KCNH2: variants seen among roughly 807,000 people sequenced by gnomAD.
KCNH2 encodes voltage-gated inwardly rectifying potassium channel KCNH2.
Under a neutral mutation model 95.9 loss-of-function variants are expected in KCNH2, and 35 were observed. The observed-to-expected ratio is 0.37, with a 90% CI of 0.28 to 0.48. KCNH2 has a LOEUF of 0.48. Ranked by LOEUF, KCNH2 falls within the 20% of genes least tolerant of loss-of-function variation. The pLI, the probability that KCNH2 is intolerant of heterozygous loss-of-function variation, is 0.99. For missense variants in KCNH2, 1,274 were observed against 1,702.9 expected (o/e 0.75, Z 4.43); for synonymous variants, 786 against 754.7 (o/e 1.04, Z -0.68).
rs1352528322 is a variant in KCNH2 at position 150,965,078 on chromosome 7, G to T, written c.308-5342C>A. On this transcript the variant is annotated intron_variant, in intron 2 of 14. Transcript: ENST00000262186. ...AGTGTGTGTGTGCGCGCGTGTGTGTGTGTGTGCTGAATGAGAGAGAGACCA... is the reference window on the plus strand; with the variant it reads ...AGTGTGTGTGTGCGCGCGTGTGTGTTTGTGTGCTGAATGAGAGAGAGACCA... 3.3e-5 allele frequency among the ~76,000 whole-genome samples: 5 copies of T among 152,058 alleles called. No homozygotes were observed. The South Asian group carries it at 1.0e-3, about 32-fold the overall frequency.
chr7:150,958,792 G>A (rs1473548098), intron 3 of KCNH2, among the ~76,000 whole-genome samples: 3 of 152,228 alleles, frequency 2.0e-5, no homozygotes, highest in Non-Finnish European at 4.4e-5. Flanking sequence ...ACATGAGGAA[G>A]TGTGGACACA....
In KCNH2 at chr7:150,962,569, G is replaced by T. The variant is rs575531856; in HGVS notation, c.308-2833C>A. Among the ~76,000 whole-genome samples the T allele has an allele frequency of 6.6e-6, 1 of 150,742 alleles. No individual in the cohort carries two copies. The highest frequency in any genetic ancestry group is 1.9e-4 in the East Asian group (1 of 5,144). ...CCTGCCAGGGTCGCAGAAACTCTAG[G>T]TATACGCCACCTCACAGCACAAGCC... On this transcript the variant is annotated intron_variant, in intron 2 of 14. Coordinates refer to ENST00000262186, the MANE Select transcript of KCNH2 (RefSeq NM_000238.4). The surrounding 1 kb of genome is among the most constrained non-coding windows in gnomAD (Gnocchi z 5.7).
chr7:150,969,312 G>C (rs565486697), intron 2 of KCNH2, among the ~76,000 whole-genome samples: 1 of 152,164 alleles, frequency 6.6e-6, no homozygotes, highest in African/African-American at 2.4e-5. Flanking sequence ...GTAAAGCATG[G>C]TTCCCCAGTT....
intron 13 of KCNH2, 113 bp downstream of exon 13, chr7:150,947,215 G>A (rs1009804773): frequency 4.1e-5 from 47 of 1,152,544 alleles, no homozygotes; most frequent in Non-Finnish European, 5.6e-5. Flanking sequence ...AATGGAAGAA[G>A]GGGATCCAGC....
At chr7:150,959,157 A>G (rs1028467482) in intron 3 of KCNH2, among the ~76,000 whole-genome samples, 1 of 152,200 alleles carries the variant, frequency 6.6e-6, no homozygotes, top group Non-Finnish European at 1.5e-5. Context: ...GGAGCAGATG[A>G]AAGAAACTAC....
chr7:150,958,384 G>A lies in KCNH2; in HGVS notation c.591C>T (p.Asp197=). The change falls in exon 4 of 15, where the codon GAC becomes GAT. Residue 197 remains aspartate, a synonymous_variant. Coordinates refer to ENST00000262186, the MANE Select transcript of KCNH2 (RefSeq NM_000238.4). The part of the protein sequence containing the change: ...GAGAPGAVVV[D]VDLTPAAPSS... ...TGGGTGCCGCGGGCGTCAGGTCCAC[G>A]TCCACCACCACGGCCCCCGGGGCGC... The A allele has an allele frequency of 6.8e-7, 1 of 1,471,198 alleles. No individual in the cohort carries two copies. Among genetic ancestry groups the A allele is most frequent in the Non-Finnish European group, 8.9e-7 (1 of 1,117,632 alleles). The allele number at this position is 1,471,198 out of a possible 1,614,324, so 91.1% of individuals were successfully genotyped here.
Position 150,946,757 on chromosome 7 carries a change from G to A in KCNH2, c.3330+120C>T. 1 of 941,860 alleles carries A rather than the reference G, an allele frequency of 1.1e-6. No homozygotes were observed. The highest frequency in any genetic ancestry group is 1.6e-6 in the Non-Finnish European group (1 of 624,944). The allele number at this position is 941,860 out of a possible 1,614,324, so 58.3% of individuals were successfully genotyped here. ...GGAGGACAGGGGTGGGAGGAGGGCA[G>A]GAACAAGGTTCAGGGAGGCTGGGCC... On this transcript the variant is annotated intron_variant, in intron 14 of 14. Coordinates refer to ENST00000262186, the MANE Select transcript of KCNH2 (RefSeq NM_000238.4). The surrounding 1 kb of genome is among the most constrained non-coding windows in gnomAD (Gnocchi z 6.5).
At chr7:150,953,312 C>T (rs756135734) in intron 5 of KCNH2, among the ~76,000 whole-genome samples, 8 of 152,206 alleles carry the variant, frequency 5.3e-5, no homozygotes, top group Non-Finnish European at 1.0e-4. Flanking sequence ...GTAGTCACTG[C>T]AGTTCTTACC....
At chr7:150,968,227 G>A (rs1254895320) in intron 2 of KCNH2, among the ~76,000 whole-genome samples, 6 of 152,292 alleles carry the variant, frequency 3.9e-5, no homozygotes, top group South Asian at 2.1e-4. Flanking sequence ...CACATGTCCC[G>A]CGATCCAGCA....
intron 2 of KCNH2, among the ~76,000 whole-genome samples, chr7:150,966,058 AC>A: frequency 1.3e-5 from 2 of 152,326 alleles, no homozygotes; most frequent in East Asian, 3.9e-4. Flanking sequence ...GCACCCAGGA[AC>A]CCAAGGGAAG....
In KCNH2 at chr7:150,947,761, C is replaced by A; in HGVS notation, c.2810G>T (p.Ser937Ile). ...WGESPSSGPS[S>I]PESSEDEGPG... ...GCCCTCATCCTCACTGCTCTCAGGG[C>A]TGGAGGGGCCACTGGACGGGCTCTC... Residue 937 changes from serine (S) to isoleucine (I), a missense_variant, in exon 12 of 15, where the codon AGC (serine) becomes ATC (isoleucine). By Grantham distance (142) the Ser-to-Ile change is moderately radical. Around this residue, in one of 7 missense-constraint regions of KCNH2, gnomAD observed 457 missense variants for 416.1 expected, o/e 1.10. Transcript: ENST00000262186. 1 of 1,542,308 alleles carries A rather than the reference C, an allele frequency of 6.5e-7. No homozygotes were observed. The highest frequency in any genetic ancestry group is 1.4e-5 in the African/African-American group (1 of 73,238).
chr7:150,971,586 G>T (rs549894183), intron 2 of KCNH2, among the ~76,000 whole-genome samples: 1 of 152,090 alleles, frequency 6.6e-6, no homozygotes, highest in Non-Finnish European at 1.5e-5. Flanking sequence ...GGCTCCGAGG[G>T]GTGGGGGACA....
At chr7:150,971,759 G>A (rs952849722) in intron 2 of KCNH2, among the ~76,000 whole-genome samples, 1 of 151,926 alleles carries the variant, frequency 6.6e-6, no homozygotes, top group Non-Finnish European at 1.5e-5. Flanking sequence ...GAGAGGAGCC[G>A]AGAAGGTGGG....
rs762615574 is a variant in KCNH2, at chr7:150,958,049, G to A, written c.916+10C>T. ...GGGCTGGGGCGGAACGGGTCCCGCG[G>A]CGCCCTCACCGGTGCTGGCGTGGCG... On this transcript the variant is annotated intron_variant, in intron 4 of 14. Coordinates refer to ENST00000262186, the MANE Select transcript of KCNH2 (RefSeq NM_000238.4). The A allele has an allele frequency of 7.9e-7, 1 of 1,262,874 alleles. No individual in the cohort carries two copies. The highest frequency in any genetic ancestry group is 9.9e-7 in the Non-Finnish European group (1 of 1,007,464). The allele number at this position is 1,262,874 out of a possible 1,614,324, so 78.2% of individuals were successfully genotyped here. A position where few individuals can be genotyped will look rare whatever the true frequency, so the allele number is the denominator to read the frequency against.
At position 150,946,413 on chromosome 7, in the gene KCNH2, C is replaced by T. The variant is rs1005758570; in HGVS notation, c.3330+464G>A. Among the ~76,000 whole-genome samples the T allele has an allele frequency of 7.9e-5, 12 of 152,188 alleles. No homozygotes were observed. The highest frequency in any genetic ancestry group is 1.9e-4 in the East Asian group (1 of 5,188). The stretch of plus-strand genomic sequence containing the variant: ...CTGCCAAGGGCAAGGATGGGCAGGA[C>T]GGTGAGACCAGGGAGTGTCACTCAC... On this transcript the variant is annotated intron_variant, in intron 14 of 14. Transcript: ENST00000262186. This position sits in a 1 kb window ranked among gnomAD's most constrained non-coding sequence, Gnocchi z 6.5.
chr7:150,948,782 A>G (rs1801021063), intron 10 of KCNH2, 74 bp downstream of exon 10: 3 of 1,354,088 alleles, frequency 2.2e-6, no homozygotes, highest in East Asian at 4.6e-5. Context: ...ATCACATTCA[A>G]TGTCACACAG....
intron 10 of KCNH2, 59 bp downstream of exon 10, chr7:150,948,797 G>A: frequency 4.0e-6 from 6 of 1,481,740 alleles, no homozygotes; most frequent in Non-Finnish European, 5.7e-6. Flanking sequence ...ACACAGCAAA[G>A]GGGCAGCCAC....
chr7:150,959,865 G>C (rs1584868115), intron 2 of KCNH2, 129 bp from the exon 3 acceptor site: 1 of 1,030,938 alleles, frequency 9.7e-7, no homozygotes, highest in African/African-American at 1.6e-5. Context: ...CTTCCTCTCC[G>C]GGATCTCCCG....
chr7:150,974,714 C>T lies in KCNH2; in HGVS notation c.304G>A (p.Asp102Asn), dbSNP rs1187430228. Reference protein sequence around the residue: ...RKVEIAFYRKDGSCFLCLVDV... With the variant: ...RKVEIAFYRKNGSCFLCLVDV... ...CCCCGCCCCGGCCCGCTCCTACCAT[C>T]TTTCCGGTAGAAGGCGATTTCCACT... Residue 102 changes from aspartate to asparagine, a missense_variant, in exon 2 of 15, where the codon GAT becomes AAT. Physicochemically the swap from Asp to Asn is conservative, Grantham distance 23. This residue lies in a region of KCNH2 where 85 missense variants were observed against 174.7 expected (regional missense o/e 0.49). Transcript: ENST00000262186. 1 of 1,454,692 alleles carries T rather than the reference C, an allele frequency of 6.9e-7. No homozygotes were observed. Among genetic ancestry groups the T allele is most frequent in the African/African-American group, 1.4e-5 (1 of 70,040 alleles). The allele number at this position is 1,454,692 out of a possible 1,614,324, so 90.1% of individuals were successfully genotyped here.
Sources: gnomAD v4.1 joint callset for allele counts (sites outside exome capture counted in the v4.1 genomes callset) on GRCh38, gnomAD v4.1.1 for gene constraint, gnomAD v4.1.1 regional missense constraint, Gnocchi (gnomAD v3.1) non-coding constraint, MANE v1.5 for transcripts, NCBI Gene and HGNC (gene_info 2026-07-23, HGNC 2026-07-21) for gene names.